The following LRP1B variants were observed in gnomAD, a reference collection of about 807,000 sequenced individuals.
LRP1B encodes LDL receptor related protein 1B.
In LRP1B, 217 loss-of-function variants were observed where a neutral mutation model predicts 556.6. That is an observed-to-expected ratio of 0.39 (90% CI 0.35 to 0.44). The LOEUF (loss-of-function observed/expected upper bound fraction) is 0.44, where lower values mean the gene tolerates loss of function less well. LRP1B is among the 20% of genes least tolerant of loss of function. LRP1B has a pLI of 1.00. For synonymous variants in LRP1B, 2,047 were observed against 1,865.8 expected (o/e 1.10, Z -2.50); for missense variants, 5,053 against 5,620.8 (o/e 0.90, Z 3.23).
chr2:140,539,530 A>C (rs1204875316), intron 45 of LRP1B, among the ~76,000 whole-genome samples: 1 of 152,096 alleles, frequency 6.6e-6, no homozygotes, highest in African/African-American at 2.4e-5. Context: ...AACAGAGAGA[A>C]GCTTAGTAGG....
At chr2:141,776,132 C>A (rs1695063036) in intron 2 of LRP1B, among the ~76,000 whole-genome samples, 1 of 152,256 alleles carries the variant, frequency 6.6e-6, no homozygotes, top group East Asian at 1.9e-4. Context: ...AGGCATGAGC[C>A]ACCAGCCCCG....
At chr2:140,492,442 T>C (rs139642361) in intron 57 of LRP1B, among the ~76,000 whole-genome samples, 166 bp downstream of exon 57, 6,149 of 152,244 alleles carry the variant, frequency 0.04, 174 homozygotes, top group Non-Finnish European at 0.047. Context: ...GAGGCAAAGA[T>C]AAATTTGGAG....
chr2:141,895,464 T>C (rs1476551748), intron 1 of LRP1B, among the ~76,000 whole-genome samples: 2 of 152,246 alleles, frequency 1.3e-5, no homozygotes, highest in Non-Finnish European at 2.9e-5. Flanking sequence ...GGTTTACTTA[T>C]TTGTGAATTT....
chr2:140,320,291 C>T (rs1291312869), intron 82 of LRP1B, among the ~76,000 whole-genome samples: 5 of 152,124 alleles, frequency 3.3e-5, no homozygotes, highest in South Asian at 2.1e-4. Flanking sequence ...TCAAACGCTT[C>T]GGCTCTGCAT....
At chr2:140,247,296 T>C (rs1177990294) in intron 86 of LRP1B, 134 bp from the exon 87 acceptor site, 1 of 635,038 alleles carries the variant, frequency 1.6e-6, no homozygotes, top group Non-Finnish European at 2.9e-6. Context: ...TACATAGAGA[T>C]TTCTGATGAT....
intron 3 of LRP1B, among the ~76,000 whole-genome samples, chr2:141,263,648 C>T (rs759024151): frequency 2.0e-5 from 3 of 152,062 alleles, no homozygotes; most frequent in Non-Finnish European, 2.9e-5. Flanking sequence ...CATTTTCCAA[C>T]TAATTTATGA....
intron 1 of LRP1B, among the ~76,000 whole-genome samples, chr2:142,019,078 C>T (rs1703247442): frequency 6.6e-6 from 1 of 152,146 alleles, no homozygotes; most frequent in Admixed American, 6.6e-5. Flanking sequence ...TAAATTGTCA[C>T]TTGCAGAACT....
intron 41 of LRP1B, among the ~76,000 whole-genome samples, chr2:140,606,468 A>G (rs1371324465): frequency 1.3e-5 from 2 of 152,082 alleles, no homozygotes; most frequent in Non-Finnish European, 2.9e-5. Flanking sequence ...GATTTAATGT[A>G]TAGAAATCCC....
intron 41 of LRP1B, among the ~76,000 whole-genome samples, chr2:140,677,795 G>T (rs1685722387): frequency 6.7e-6 from 1 of 148,454 alleles, no homozygotes; most frequent in African/African-American, 2.5e-5. Context: ...AGAATCGCCA[G>T]AACCCAGGAG....
At chr2:142,069,682 T>C (rs1188582775) in intron 1 of LRP1B, among the ~76,000 whole-genome samples, 1 of 151,820 alleles carries the variant, frequency 6.6e-6, no homozygotes, top group East Asian at 1.9e-4. Flanking sequence ...AAATCTCAAT[T>C]TGTACATGCG....
chr2:141,463,573 T>A (rs949929633), intron 3 of LRP1B, among the ~76,000 whole-genome samples: 2 of 45,070 alleles, frequency 4.4e-5, no homozygotes, highest in Admixed American at 2.9e-4. Context: ...TATTATATAT[T>A]ATATATAATT....
At chr2:140,564,110 T>C (rs1276819779) in intron 43 of LRP1B, among the ~76,000 whole-genome samples, 8 of 152,202 alleles carry the variant, frequency 5.3e-5, no homozygotes, top group African/African-American at 1.9e-4. Context: ...AAAGAATACA[T>C]GACTTTGAAA....
intron 7 of LRP1B, among the ~76,000 whole-genome samples, chr2:141,169,461 C>G (rs1047311814): frequency 2.6e-5 from 4 of 151,824 alleles, no homozygotes; most frequent in African/African-American, 9.7e-5. Context: ...CCACCAATGA[C>G]TTATATCAGA....
intron 41 of LRP1B, among the ~76,000 whole-genome samples, chr2:140,655,836 G>A (rs1043360608): frequency 1.3e-5 from 2 of 151,920 alleles, no homozygotes; most frequent in African/African-American, 4.8e-5. Flanking sequence ...CCAGCTACTC[G>A]GGAAGCTGGC....
intron 31 of LRP1B, among the ~76,000 whole-genome samples, chr2:140,817,967 T>A (rs1691186150): frequency 6.6e-6 from 1 of 152,152 alleles, no homozygotes; most frequent in African/African-American, 2.4e-5. Context: ...AAATTTCAGT[T>A]TAATTGGTTT....
chr2:141,829,515 T>C (rs1697043187), intron 1 of LRP1B, among the ~76,000 whole-genome samples: 1 of 152,068 alleles, frequency 6.6e-6, no homozygotes, highest in Admixed American at 6.6e-5. Context: ...CTCAGAGATA[T>C]TTAAAGTTTT....
At chr2:140,379,793 CTTAG>C (rs1683394682) in intron 67 of LRP1B, among the ~76,000 whole-genome samples, 1 of 152,118 alleles carries the variant, frequency 6.6e-6, no homozygotes, top group Non-Finnish European at 1.5e-5. Context: ...TACTCTGCTA[CTTAG>C]TTTAGTTTAA....
chr2:141,756,044 T>C (rs111782153), intron 2 of LRP1B, among the ~76,000 whole-genome samples: 4 of 152,190 alleles, frequency 2.6e-5, no homozygotes, highest in African/African-American at 9.6e-5. Context: ...TTCATGACTT[T>C]TCTCCATGTT....
intron 3 of LRP1B, among the ~76,000 whole-genome samples, chr2:141,308,924 TA>T (rs1409040957): frequency 2.0e-5 from 3 of 152,170 alleles, no homozygotes; most frequent in African/African-American, 4.8e-5. Context: ...TCATATAATT[TA>T]AATTTAAAGA....
Sources: gnomAD v4.1 joint callset for allele counts (sites outside exome capture counted in the v4.1 genomes callset) on GRCh38, gnomAD v4.1.1 for gene constraint, MANE v1.5 for transcripts, NCBI Gene and HGNC (gene_info 2026-07-23, HGNC 2026-07-21) for gene names.